The following GLT8D2 variants were observed in gnomAD, a reference collection of about 807,000 sequenced individuals.
GLT8D2 encodes the protein glycosyltransferase 8 domain containing 2, also known as glycosyltransferase 8 domain-containing protein 2.
Under a neutral mutation model 44.5 loss-of-function variants are expected in GLT8D2, and 45 were observed. The observed-to-expected ratio is 1.01, with a 90% CI of 0.80 to 1.30. GLT8D2 has a LOEUF of 1.30. Among genes scored for constraint, GLT8D2 ranks in the 50% most tolerant of loss-of-function variants. The pLI, the probability that GLT8D2 is intolerant of heterozygous loss-of-function variation, is 0.00. For missense variants in GLT8D2, 400 were observed against 430.4 expected (o/e 0.93, Z 0.62); for synonymous variants, 156 against 157.2 (o/e 0.99, Z 0.06).
At chr12:103,996,693 T>G in intron 8 of GLT8D2, 42 bp downstream of exon 8, 1 of 1,392,960 alleles carries the variant, frequency 7.2e-7, no homozygotes, top group Non-Finnish European at 1.0e-6. Flanking sequence ...GGGGCCAGAG[T>G]TGTAGAGTGA....
chr12:104,003,760 G>A (rs1874570849), intron 4 of GLT8D2, among the ~76,000 whole-genome samples: 1 of 152,074 alleles, frequency 6.6e-6, no homozygotes, highest in African/African-American at 2.4e-5. Context: ...GGATAATTGT[G>A]GAACTGATAC....
rs552871892 is a variant in GLT8D2, at chr12:104,034,526, C to G, written c.-163-13035G>C. ...CTTGGTGGGGCCCATGCCCATGGAGCCTTGCTCACTGCTAGCGCAGCAGTC... is the reference window on the plus strand; with the variant it reads ...CTTGGTGGGGCCCATGCCCATGGAGGCTTGCTCACTGCTAGCGCAGCAGTC... On this transcript the variant is annotated intron_variant, in intron 1 of 10. Transcript: ENST00000360814. 1.1e-4 allele frequency among the ~76,000 whole-genome samples: 17 copies of G among 152,378 alleles called. No individual in the cohort carries two copies. The South Asian group carries it at 3.5e-3, about 32-fold the overall frequency.
chr12:104,053,633 C>T (rs893978306), upstream of GLT8D2, among the ~76,000 whole-genome samples: 4 of 152,056 alleles, frequency 2.6e-5, no homozygotes, highest in African/African-American at 9.7e-5. Flanking sequence ...ACCTGTAATC[C>T]CAGCACTTTG....
chr12:104,038,177 C>T (rs1880120155), intron 1 of GLT8D2, among the ~76,000 whole-genome samples: 1 of 152,180 alleles, frequency 6.6e-6, no homozygotes, highest in South Asian at 2.1e-4. Context: ...GACAAACCCA[C>T]AGCCAATATC....
upstream of GLT8D2, chr12:104,064,405 A>T: frequency 1.6e-6 from 1 of 627,598 alleles, no homozygotes; most frequent in Non-Finnish European, 2.4e-6. This position sits in a 1 kb window ranked among gnomAD's most constrained non-coding sequence, Gnocchi z 7.3. Context: ...CCCCTTCCCC[A>T]GCGTCTCTCC....
In GLT8D2 at chr12:103,996,750, T is replaced by C; in HGVS notation, c.585A>G (p.Arg195=). 1.2e-6 allele frequency: 2 copies of C among 1,612,464 alleles called. No homozygotes were observed. Among genetic ancestry groups the C allele is most frequent in the South Asian group, 1.1e-5 (1 of 90,866 alleles). The change falls in exon 8 of 11, where the codon AGA becomes AGG. Residue 195 remains arginine, a synonymous_variant. Coordinates refer to ENST00000360814, the MANE Select transcript of GLT8D2 (RefSeq NM_001384711.1). The part of the protein sequence containing the change: ...CDLPSAQDIN[R]LVGLQNTYMG... ...ATATGCCCACCTGAAGTCCCACGAGTCTGTTTATGTCCTGAGCAGAGGGCA... is the reference window on the plus strand; with the variant it reads ...ATATGCCCACCTGAAGTCCCACGAGCCTGTTTATGTCCTGAGCAGAGGGCA...
At chr12:104,022,702 T>C (rs1242744105) in intron 1 of GLT8D2, among the ~76,000 whole-genome samples, 1 of 152,010 alleles carries the variant, frequency 6.6e-6, no homozygotes, top group Non-Finnish European at 1.5e-5. Flanking sequence ...TGTCAAATCA[T>C]ACTAATGTAT....
chr12:103,990,530 A>G (rs910486242), intron 10 of GLT8D2, among the ~76,000 whole-genome samples: 1 of 152,132 alleles, frequency 6.6e-6, no homozygotes, highest in African/African-American at 2.4e-5. Context: ...AAAAATCTCT[A>G]TAGTGTTCGA....
chr12:104,047,056 G>C (rs1435342316), intron 1 of GLT8D2, among the ~76,000 whole-genome samples: 1 of 152,044 alleles, frequency 6.6e-6, no homozygotes, highest in Non-Finnish European at 1.5e-5. Context: ...TTAGAACTCT[G>C]GGCCTCAAGA....
chr12:103,996,404 T>C (rs1873426396), intron 8 of GLT8D2, among the ~76,000 whole-genome samples: 1 of 152,354 alleles, frequency 6.6e-6, no homozygotes, highest in Middle Eastern at 3.4e-3. Context: ...TGATCATTTC[T>C]GGAGCTTTTA....
chr12:104,059,287 G>A (rs1048925529), intron 1 of GLT8D2, among the ~76,000 whole-genome samples: 7 of 152,068 alleles, frequency 4.6e-5, no homozygotes, highest in African/African-American at 1.7e-4. Flanking sequence ...GATCCTCCAG[G>A]ACTTTGATCC....
chr12:103,995,389 C>T (rs924541578), intron 8 of GLT8D2, among the ~76,000 whole-genome samples: 2 of 152,216 alleles, frequency 1.3e-5, no homozygotes, highest in Non-Finnish European at 2.9e-5. Context: ...GAACCAGACT[C>T]ACCCCTGCCT....
intron 10 of GLT8D2, among the ~76,000 whole-genome samples, chr12:103,991,597 T>C (rs911532706): frequency 3.0e-4 from 45 of 152,210 alleles, no homozygotes; most frequent in Admixed American, 8.5e-4. Context: ...TATTTAAAAA[T>C]AGACCTTCTA....
chr12:104,004,991 G>A (rs1422704421), intron 4 of GLT8D2, among the ~76,000 whole-genome samples: 1 of 152,238 alleles, frequency 6.6e-6, no homozygotes, highest in East Asian at 1.9e-4. Context: ...ATACTACAAG[G>A]CTACAGTAAT....
At chr12:104,044,527 A>G (rs1017057952) in intron 1 of GLT8D2, among the ~76,000 whole-genome samples, 7 of 152,158 alleles carry the variant, frequency 4.6e-5, no homozygotes, top group Non-Finnish European at 8.8e-5. Context: ...TACATTCACA[A>G]CTGAAATTAG....
At chr12:104,051,100 C>T (rs1881681825), upstream of GLT8D2, among the ~76,000 whole-genome samples, 1 of 151,502 alleles carries the variant, frequency 6.6e-6, no homozygotes, top group Non-Finnish European at 1.5e-5. Flanking sequence ...AGGCGTGAGC[C>T]ACCTCATCCG....
chr12:104,024,930 C>A (rs1311749167), intron 1 of GLT8D2, among the ~76,000 whole-genome samples: 1 of 151,704 alleles, frequency 6.6e-6, no homozygotes, highest in African/African-American at 2.4e-5. Flanking sequence ...ATTAACCAGG[C>A]GTGGTGGTGC....
At chr12:104,001,860 T>G (rs192665421) in intron 5 of GLT8D2, among the ~76,000 whole-genome samples, 1 of 152,244 alleles carries the variant, frequency 6.6e-6, no homozygotes, top group Non-Finnish European at 1.5e-5. Flanking sequence ...TGTGCTAACA[T>G]GCTCAGCAAA....
chr12:104,003,442 T>C, intron 4 of GLT8D2, 136 bp from the exon 5 acceptor site: 3 of 759,814 alleles, frequency 3.9e-6, no homozygotes, highest in Middle Eastern at 5.3e-4. Flanking sequence ...TATCTAGTCA[T>C]TCTGTCTTCC....
Sources: gnomAD v4.1 joint callset for allele counts (sites outside exome capture counted in the v4.1 genomes callset) on GRCh38, gnomAD v4.1.1 for gene constraint, Gnocchi (gnomAD v3.1) non-coding constraint, MANE v1.5 for transcripts, NCBI Gene and HGNC (gene_info 2026-07-23, HGNC 2026-07-21) for gene names.